Variants in RCOR1 observed in about 807,000 individuals in gnomAD.
RCOR1 encodes the protein REST corepressor 1, also known as REST corepressor.
A neutral mutation model predicts 64.0 loss-of-function variants in RCOR1; 12 were observed. That is an observed-to-expected ratio of 0.19 (90% CI 0.12 to 0.30). RCOR1 has a LOEUF of 0.30. Among genes scored for constraint, RCOR1 ranks in the 10% least tolerant of loss-of-function variants. The pLI is 1.00. For synonymous variants in RCOR1, 279 were observed against 227.2 expected (o/e 1.23, Z -2.05); for missense variants, 502 against 621.2 (o/e 0.81, Z 2.04).
chr14:102,614,003 C>T (rs1454268968), intron 2 of RCOR1, among the ~76,000 whole-genome samples: 1 of 143,454 alleles, frequency 7.0e-6, no homozygotes, highest in East Asian at 2.1e-4. Context: ...TTAAGGGATT[C>T]GCCTGCCTCA....
intron 2 of RCOR1, among the ~76,000 whole-genome samples, chr14:102,617,384 T>C (rs1458801774): frequency 2.0e-5 from 3 of 152,176 alleles, no homozygotes; most frequent in Non-Finnish European, 4.4e-5. Context: ...ATTCCACTTG[T>C]GTACATGTTT....
chr14:102,660,647 G>A lies in RCOR1; in HGVS notation c.362-21248G>A, dbSNP rs551289229. 5.3e-5 allele frequency among the ~76,000 whole-genome samples: 8 copies of A among 152,298 alleles called. No individual in the cohort carries two copies. In the East Asian group the frequency reaches 1.5e-3, roughly 29 times the overall value. On this transcript the variant is annotated intron_variant, in intron 2 of 11. Transcript: ENST00000262241. ...GGCCTCCCACAGTTTGATTAGAGAT[G>A]TGAACCACTGTGCCCAGCCAAAATT...
At chr14:102,595,708 T>C (rs1893228414) in intron 2 of RCOR1, among the ~76,000 whole-genome samples, 1 of 151,526 alleles carries the variant, frequency 6.6e-6, no homozygotes, top group African/African-American at 2.4e-5. Context: ...GCCTCCAGAG[T>C]AGCAGGGACT....
intron 2 of RCOR1, among the ~76,000 whole-genome samples, chr14:102,636,376 C>T (rs1029071495): frequency 2.0e-5 from 3 of 151,964 alleles, no homozygotes; most frequent in African/African-American, 4.8e-5. Flanking sequence ...CTCCTGGGTT[C>T]AAGCGATTCT....
intron 2 of RCOR1, chr14:102,655,982 C>T: frequency 1.0e-6 from 1 of 983,560 alleles, no homozygotes; most frequent in Non-Finnish European, 1.2e-6. Flanking sequence ...CACACACACA[C>T]ACACACGTGA....
chr14:102,639,870 C>T (rs114846369), intron 2 of RCOR1, among the ~76,000 whole-genome samples: 14,802 of 144,592 alleles, frequency 0.1, 786 homozygotes, highest in Middle Eastern at 0.2. Context: ...ATTCATGAGA[C>T]GGAGTCTCGC....
intron 2 of RCOR1, chr14:102,655,361 A>G (rs775368265): frequency 1.4e-5 from 14 of 985,270 alleles, no homozygotes; most frequent in South Asian, 9.4e-5. Context: ...AGGAAGCTGA[A>G]TGACTCATGG....
At chr14:102,655,215 A>G (rs1894698726) in intron 2 of RCOR1, 1 of 982,686 alleles carries the variant, frequency 1.0e-6, no homozygotes, top group South Asian at 4.7e-5. Context: ...GGTTATGCAC[A>G]AGAGAAGTAC....
In RCOR1 at chr14:102,730,447, A is replaced by C. The variant is rs1896349740; in HGVS notation, c.*3941A>C. Reference sequence around the variant, plus strand: ...ATAACTGCTTAGCCATTGAATGATAACATTTGTTAGTGGAAATTGGAAAAT... The same window carrying C: ...ATAACTGCTTAGCCATTGAATGATACCATTTGTTAGTGGAAATTGGAAAAT... On this transcript the variant is annotated 3_prime_UTR_variant, in exon 12 of 12. Transcript: ENST00000262241. 6.4e-6 allele frequency: 1 copy of C among 155,920 alleles called. No homozygotes were observed. The highest frequency in any genetic ancestry group is 1.4e-5 in the Non-Finnish European group (1 of 70,400). 9.7% of individuals were successfully genotyped at this position (155,920 alleles called of 1,614,324 possible).
chr14:102,727,019 T>G lies in RCOR1; in HGVS notation c.*513T>G, dbSNP rs546940441. The G allele has an allele frequency of 1.8e-3, 280 of 153,760 alleles. 3 individuals are homozygous for G. The highest frequency in any genetic ancestry group is 1.4e-3 in the Non-Finnish European group (98 of 69,258). 9.5% of individuals were successfully genotyped at this position (153,760 alleles called of 1,614,324 possible). On this transcript the variant is annotated 3_prime_UTR_variant, in exon 12 of 12. Transcript: ENST00000262241. ...TAATACGCTTTTTTGGAAACTAATA[T>G]ATATTGCCAGACTGCATCATAACCT...
At chr14:102,639,692 C>T (rs1176873152) in intron 2 of RCOR1, among the ~76,000 whole-genome samples, 2 of 151,398 alleles carry the variant, frequency 1.3e-5, no homozygotes, top group African/African-American at 4.9e-5. Flanking sequence ...TGCCATTATG[C>T]CTGGCTGATT....
chr14:102,694,287 T>C (rs2139972302), intron 3 of RCOR1, among the ~76,000 whole-genome samples: 1 of 152,240 alleles, frequency 6.6e-6, no homozygotes, highest in East Asian at 1.9e-4. Context: ...GATGGAGTCT[T>C]GCTCTGTTGC....
At chr14:102,632,590 G>A (rs1453386777) in intron 2 of RCOR1, among the ~76,000 whole-genome samples, 1 of 150,804 alleles carries the variant, frequency 6.6e-6, no homozygotes, top group Non-Finnish European at 1.5e-5. Context: ...AATTTTTCAA[G>A]ACTGATTTTG....
At chr14:102,647,866 A>G (rs187350530) in intron 2 of RCOR1, among the ~76,000 whole-genome samples, 154 of 151,546 alleles carry the variant, frequency 1.0e-3, no homozygotes, top group African/African-American at 3.4e-3. Flanking sequence ...TTTAGTAGAG[A>G]CGGAGTTTTG....
intron 2 of RCOR1, among the ~76,000 whole-genome samples, chr14:102,615,346 TG>T (rs1456922431): frequency 1.3e-5 from 2 of 151,944 alleles, no homozygotes; most frequent in African/African-American, 4.8e-5. Flanking sequence ...TTCACCATGT[TG>T]TCCCAGCTGG....
At chr14:102,630,917 G>C (rs1376086002) in intron 2 of RCOR1, among the ~76,000 whole-genome samples, 1 of 152,018 alleles carries the variant, frequency 6.6e-6, no homozygotes, top group Non-Finnish European at 1.5e-5. Context: ...CTGTGATCTG[G>C]AACAGCTGGG....
At chr14:102,659,643 G>A (rs912908176) in intron 2 of RCOR1, among the ~76,000 whole-genome samples, 3 of 152,206 alleles carry the variant, frequency 2.0e-5, no homozygotes, top group Non-Finnish European at 4.4e-5. Flanking sequence ...GAAGTTCTTT[G>A]TAGCTTTAAT....
chr14:102,599,525 A>T (rs1371824014), intron 2 of RCOR1, among the ~76,000 whole-genome samples: 1 of 152,098 alleles, frequency 6.6e-6, no homozygotes, highest in Non-Finnish European at 1.5e-5. Flanking sequence ...TATTTTTGAG[A>T]TAGTGGCCCT....
Position 102,632,816 on chromosome 14 carries a change from T to G in RCOR1, c.361+39491T>G, listed in dbSNP as rs1236427640. Reference sequence around the variant, plus strand: ...CCTCTCTCGTCTCTCCTCTCCTCTTTCTTTTCTTTTTTTTGAGACAGGATC... The same window carrying G: ...CCTCTCTCGTCTCTCCTCTCCTCTTGCTTTTCTTTTTTTTGAGACAGGATC... On this transcript the variant is annotated intron_variant, in intron 2 of 11. Coordinates refer to ENST00000262241, the MANE Select transcript of RCOR1 (RefSeq NM_015156.4). 2.9e-5 allele frequency among the ~76,000 whole-genome samples: 4 copies of G among 136,214 alleles called. No individual in the cohort carries two copies. In the East Asian group the frequency reaches 9.4e-4, roughly 32 times the overall value. 89.4% of individuals were successfully genotyped at this position (136,214 alleles called of 152,430 possible).
Sources: gnomAD v4.1 joint callset for allele counts (sites outside exome capture counted in the v4.1 genomes callset) on GRCh38, gnomAD v4.1.1 for gene constraint, MANE v1.5 for transcripts, NCBI Gene and HGNC (gene_info 2026-07-23, HGNC 2026-07-21) for gene names.